LHPP: variants seen among roughly 807,000 people sequenced by gnomAD.
LHPP encodes hLHPP.
A neutral mutation model predicts 30.3 loss-of-function variants in LHPP; 24 were observed. The ratio of observed to expected loss-of-function variants is 0.79; its 90% CI spans 0.57 to 1.11. LHPP has a LOEUF of 1.11. LHPP is among the 50% of genes most tolerant of loss of function. The pLI, the probability that LHPP is intolerant of heterozygous loss-of-function variation, is 0.00. For synonymous variants in LHPP, 150 were observed against 157.1 expected, an observed-to-expected ratio of 0.95 and a Z score of 0.34; for missense variants, 356 against 367.2, an observed-to-expected ratio of 0.97 and a Z score of 0.25.
chr10:124,563,179 C>T (rs1054857979), intron 6 of LHPP, among the ~76,000 whole-genome samples: 10 of 152,100 alleles, frequency 6.6e-5, no homozygotes, highest in Non-Finnish European at 1.2e-4. Context: ...CACAAATGTT[C>T]GTTGCAGTTT....
chr10:124,542,942 G>A (rs182914925), intron 6 of LHPP, among the ~76,000 whole-genome samples: 72 of 152,306 alleles, frequency 4.7e-4, no homozygotes, highest in African/African-American at 1.7e-3. Context: ...GCCTGCCCAT[G>A]GCTCTTGCCA....
At chr10:124,497,111 T>A in intron 4 of LHPP, 87 bp downstream of exon 4, 1 of 1,046,912 alleles carries the variant, frequency 9.6e-7, no homozygotes, top group Non-Finnish European at 1.5e-6. Context: ...AGGCTGTGCT[T>A]AATTAACGTA....
chr10:124,575,918 G>C (rs932516420), intron 6 of LHPP, among the ~76,000 whole-genome samples: 2 of 152,188 alleles, frequency 1.3e-5, no homozygotes, highest in Non-Finnish European at 2.9e-5. Context: ...GCCAGGGCTG[G>C]GTGAGGACCT....
chr10:124,606,545 G>A (rs1422203900), intron 6 of LHPP, among the ~76,000 whole-genome samples: 10 of 152,242 alleles, frequency 6.6e-5, no homozygotes, highest in East Asian at 5.8e-4. Flanking sequence ...CAGGGGAAAC[G>A]CCAACTTCGT....
intron 5 of LHPP, among the ~76,000 whole-genome samples, chr10:124,505,910 A>G (rs17151943): frequency 0.075 from 11,371 of 152,150 alleles, 652 homozygotes; most frequent in South Asian, 0.25. Flanking sequence ...GAGATGAAAC[A>G]CCTTGTCATA....
intron 6 of LHPP, among the ~76,000 whole-genome samples, chr10:124,530,528 G>GCA (rs5788671): frequency 3.4e-5 from 3 of 87,822 alleles, no homozygotes; most frequent in East Asian, 3.5e-4. Context: ...CATAGTGCAT[G>GCA]CACACACACA....
At chr10:124,506,620 G>A (rs986348715) in intron 5 of LHPP, among the ~76,000 whole-genome samples, 3 of 149,174 alleles carry the variant, frequency 2.0e-5, no homozygotes, top group Non-Finnish European at 3.0e-5. Context: ...GAGGACCAGC[G>A]GTGCAGCAGA....
At chr10:124,482,138 G>C (rs969674770) in intron 1 of LHPP, among the ~76,000 whole-genome samples, 1 of 152,190 alleles carries the variant, frequency 6.6e-6, no homozygotes, top group Admixed American at 6.5e-5. Flanking sequence ...GGTCTCACTT[G>C]CTCAGATGGA....
intron 2 of LHPP, among the ~76,000 whole-genome samples, chr10:124,487,795 C>T (rs1010895940): frequency 6.6e-6 from 1 of 152,140 alleles, no homozygotes; most frequent in African/African-American, 2.4e-5. Flanking sequence ...AGAGAGATGA[C>T]AGCATGTTTC....
intron 5 of LHPP, chr10:124,498,527 T>C: frequency 7.0e-7 from 1 of 1,423,274 alleles, no homozygotes; most frequent in East Asian, 2.5e-5. Context: ...ATTTTGACTA[T>C]TTTGGGATAG....
intron 1 of LHPP, among the ~76,000 whole-genome samples, chr10:124,472,136 AC>A (rs1289723227): frequency 2.7e-5 from 4 of 150,902 alleles, no homozygotes; most frequent in African/African-American, 4.8e-5. Flanking sequence ...ACATAGTGAA[AC>A]CCCCGTCTTT....
intron 6 of LHPP, among the ~76,000 whole-genome samples, chr10:124,522,728 C>A (rs74781925): frequency 7.4e-5 from 11 of 148,540 alleles, no homozygotes; most frequent in South Asian, 2.1e-4. Context: ...CCCACGCCCC[C>A]CCCCAAGCAC....
chr10:124,484,637 G>A (rs1953261890), intron 2 of LHPP, among the ~76,000 whole-genome samples: 1 of 150,242 alleles, frequency 6.7e-6, no homozygotes, highest in Non-Finnish European at 1.5e-5. Context: ...AATTGTCAAG[G>A]TGGCGGAGTT....
At chr10:124,538,588 C>A (rs1247057754) in intron 6 of LHPP, among the ~76,000 whole-genome samples, 1 of 152,168 alleles carries the variant, frequency 6.6e-6, no homozygotes, top group African/African-American at 2.4e-5. Context: ...GGGCCACACA[C>A]CACTGCCCTG....
intron 5 of LHPP, among the ~76,000 whole-genome samples, chr10:124,507,109 C>T (rs189502750): frequency 4.2e-3 from 69 of 16,414 alleles, no homozygotes; most frequent in Non-Finnish European, 4.9e-3. Context: ...ATTTCAGGTG[C>T]AGGGGTAGAC....
At position 124,478,413 on chromosome 10, in the gene LHPP, T is replaced by G. The variant is rs1228805009; in HGVS notation, c.126-5726T>G. 1.3e-5 allele frequency among the ~76,000 whole-genome samples: 2 copies of G among 152,126 alleles called. No homozygotes were observed. Among genetic ancestry groups the G allele is most frequent in the African/African-American group, 4.8e-5 (2 of 41,436 alleles). On this transcript the variant is annotated intron_variant, in intron 1 of 6. Transcript: ENST00000368842. This position sits in a 1 kb window ranked among gnomAD's most constrained non-coding sequence, Gnocchi z 4.7. ...GGAGGGGCTCATGCTGCCCTTTTCCTGAGGCCCCCTGCTGCCTGCCCAGTC... is the reference window on the plus strand; with the variant it reads ...GGAGGGGCTCATGCTGCCCTTTTCCGGAGGCCCCCTGCTGCCTGCCCAGTC...
chr10:124,522,645 G>A (rs1954636801), intron 6 of LHPP, among the ~76,000 whole-genome samples: 1 of 152,042 alleles, frequency 6.6e-6, no homozygotes, highest in African/African-American at 2.4e-5. Context: ...ACATTTTGCA[G>A]CAGTCACAGG....
rs557150065 is a variant in LHPP at position 124,613,871 on chromosome 10, G to C, written c.*511G>C. The C allele has an allele frequency of 6.4e-6, 1 of 155,650 alleles. No homozygotes were observed. The highest frequency in any genetic ancestry group is 1.4e-5 in the Non-Finnish European group (1 of 70,330). 9.6% of individuals were successfully genotyped at this position (155,650 alleles called of 1,614,324 possible). On this transcript the variant is annotated 3_prime_UTR_variant, in exon 7 of 7. Transcript: ENST00000368842. ...CCCAGAACCAAGTCAGCCTCCCTGC[G>C]ACTGCCCAGGCACACTGCCCACCAC...
intron 5 of LHPP, 89 bp downstream of exon 5, chr10:124,498,217 C>T: frequency 1.4e-6 from 2 of 1,479,022 alleles, no homozygotes; most frequent in Non-Finnish European, 1.9e-6. Flanking sequence ...ACTCAGGCAG[C>T]CTGTGGGGTT....
Sources: allele counts gnomAD v4.1 joint callset (sites outside exome capture counted in the v4.1 genomes callset), GRCh38; gene constraint gnomAD v4.1.1; non-coding constraint Gnocchi (gnomAD v3.1); transcripts MANE v1.5; gene names NCBI Gene and HGNC (gene_info 2026-07-23, HGNC 2026-07-21).